Variants in KCTD3 observed in about 807,000 individuals in gnomAD.
KCTD3 encodes the protein BTB/POZ domain-containing protein KCTD3.
A neutral mutation model predicts 85.8 loss-of-function variants in KCTD3; 41 were observed. The observed-to-expected ratio is 0.48, with a 90% CI of 0.37 to 0.62. KCTD3 has a LOEUF of 0.62. KCTD3 is among the 20% of genes least tolerant of loss of function. The pLI, the probability that KCTD3 is intolerant of heterozygous loss-of-function variation, is 0.00. For synonymous variants in KCTD3, 338 were observed against 345.4 expected (o/e 0.98, Z 0.24); for missense variants, 724 against 989.9 (o/e 0.73, Z 3.60).
At position 215,611,999 on chromosome 1, in the gene KCTD3, T is replaced by C. The variant is rs556498943; in HGVS notation, c.1562+78T>C. The C allele has an allele frequency of 1.0e-3, 977 of 956,514 alleles. 9 individuals carry two copies. The highest frequency in any genetic ancestry group is 7.4e-3 in the South Asian group (520 of 70,618). 59.3% of individuals were successfully genotyped at this position (956,514 alleles called of 1,614,324 possible). Reference sequence around the variant, plus strand: ...AAAACATATGGCATAATTTGACATATTGACCAAAGAGTGCTACTAGAAACA... The same window carrying C: ...AAAACATATGGCATAATTTGACATACTGACCAAAGAGTGCTACTAGAAACA... On this transcript the variant is annotated intron_variant, in intron 15 of 17. Transcript: ENST00000259154.
rs1004601771 is a variant in KCTD3, at chr1:215,567,754, C to A, written c.69C>A (p.Asn23Lys). Residue 23 changes from asparagine to lysine, a missense_variant, in exon 1 of 18, where the codon AAC becomes AAA. Transcript: ENST00000259154. ...GCAGCGGCGAGATCGTCCAACTGAA[C>A]GTAGGGGGGACCAGGTGAGTCGGCG... The part of the protein sequence containing the change: ...AAGSGEIVQL[N>K]VGGTRFSTSR... The A allele has an allele frequency of 1.6e-6, 2 of 1,244,734 alleles. No homozygotes were observed. Among genetic ancestry groups the A allele is most frequent in the African/African-American group, 3.1e-5 (2 of 64,490 alleles). The allele number at this position is 1,244,734 out of a possible 1,614,324, so 77.1% of individuals were successfully genotyped here.
chr1:215,584,024 ATTG>A (rs1405972866), intron 8 of KCTD3, among the ~76,000 whole-genome samples: 1 of 152,134 alleles, frequency 6.6e-6, no homozygotes, highest in South Asian at 2.1e-4. Context: ...GAACTGGGAA[ATTG>A]TTGTAACCAA....
Position 215,579,999 on chromosome 1 carries a change from G to T in KCTD3, c.626G>T (p.Arg209Ile), listed in dbSNP as rs938436066. The change falls in exon 8 of 18, where the codon AGA (arginine) becomes ATA (isoleucine). Residue 209 changes from arginine to isoleucine, a missense_variant and splice_region_variant. Around this residue, in one of 6 missense-constraint regions of KCTD3, gnomAD observed 146 missense variants for 320.3 expected, o/e 0.46. Transcript: ENST00000259154. ...AAYAHFAVCY[R>I]IKESSGWQQV... ...TATGCCCATTTTGCTGTGTGTTACA[G>T]GTAGTGTATAATTAATAATGCTTTG... The T allele has an allele frequency of 3.2e-6, 5 of 1,586,968 alleles. No homozygotes were observed. In the African/African-American group the frequency reaches 5.4e-5, roughly 17 times the overall value.
rs1366428000 is a variant in KCTD3, at chr1:215,568,344, T to A, written c.83+576T>A. 3.3e-5 allele frequency among the ~76,000 whole-genome samples: 5 copies of A among 152,314 alleles called. No homozygotes were observed. The East Asian group carries it at 7.7e-4, about 24-fold the overall frequency. On this transcript the variant is annotated intron_variant, in intron 1 of 17. Transcript: ENST00000259154. ...TCTTGGTGCATGGGCTTGAAGGATCTGTTCAACTTCTAGGACAGTGTGTCC... is the reference window on the plus strand; with the variant it reads ...TCTTGGTGCATGGGCTTGAAGGATCAGTTCAACTTCTAGGACAGTGTGTCC...
At chr1:215,573,278 T>TTTTACCTTCA (rs1219100693) in intron 1 of KCTD3, among the ~76,000 whole-genome samples, 88 of 152,212 alleles carry the variant, frequency 5.8e-4, no homozygotes, top group African/African-American at 2.0e-3. Flanking sequence ...AAAACCTGAG[T>TTTTACCTTCA]GGTATCAAGA....
intron 9 of KCTD3, among the ~76,000 whole-genome samples, chr1:215,594,026 A>G (rs1660319190): frequency 6.6e-6 from 1 of 151,772 alleles, no homozygotes; most frequent in African/African-American, 2.4e-5. Flanking sequence ...TACCCAGCTA[A>G]TTTTTGTATT....
Position 215,567,654 on chromosome 1 carries a change from G to A in KCTD3, c.-32G>A. The stretch of plus-strand genomic sequence containing the variant: ...GGCTCGGCGGTCCCGGCTGGGGAAG[G>A]AGGGCGGCGAGCGCGTCCGGAGCCG... On this transcript the variant is annotated 5_prime_UTR_variant, in exon 1 of 18. Coordinates refer to ENST00000259154, the MANE Select transcript of KCTD3 (RefSeq NM_016121.5). 8.2e-7 allele frequency: 1 copy of A among 1,217,050 alleles called. No individual in the cohort carries two copies. The highest frequency in any genetic ancestry group is 4.2e-5 in the Admixed American group (1 of 23,556). 75.4% of individuals were successfully genotyped at this position (1,217,050 alleles called of 1,614,324 possible). A position where few individuals can be genotyped will look rare whatever the true frequency, so the allele number is the denominator to read the frequency against.
intron 10 of KCTD3, among the ~76,000 whole-genome samples, chr1:215,600,659 A>G (rs1251183354): frequency 1.3e-5 from 2 of 152,250 alleles, no homozygotes; most frequent in Non-Finnish European, 2.9e-5. Context: ...GTACATAAAA[A>G]GTACTTAAAT....
In KCTD3 at chr1:215,567,585, C is replaced by G. The variant is rs1394771549; in HGVS notation, c.-101C>G. On this transcript the variant is annotated 5_prime_UTR_variant, in exon 1 of 18. Coordinates refer to ENST00000259154, the MANE Select transcript of KCTD3 (RefSeq NM_016121.5). ...CCCCGCCCTCCGGCCGCCGCCGCCCCGCTGGCCCTGCAGCCGTCGCCGCTG... is the reference window on the plus strand; with the variant it reads ...CCCCGCCCTCCGGCCGCCGCCGCCCGGCTGGCCCTGCAGCCGTCGCCGCTG... 1 of 659,044 alleles carries G rather than the reference C, an allele frequency of 1.5e-6. No individual in the cohort carries two copies. Among genetic ancestry groups the G allele is most frequent in the South Asian group, 7.8e-5 (1 of 12,894 alleles). The allele number at this position is 659,044 out of a possible 1,614,324, so 40.8% of individuals were successfully genotyped here. A position where few individuals can be genotyped will look rare whatever the true frequency, so the allele number is the denominator to read the frequency against.
chr1:215,600,457 C>T (rs1456845973), intron 10 of KCTD3, among the ~76,000 whole-genome samples: 1 of 152,168 alleles, frequency 6.6e-6, no homozygotes, highest in East Asian at 1.9e-4. Flanking sequence ...GATCTTTGCT[C>T]TTCACCCACC....
chr1:215,594,024 TA>T (rs1473330608), intron 9 of KCTD3, among the ~76,000 whole-genome samples: 1 of 152,034 alleles, frequency 6.6e-6, no homozygotes, highest in Non-Finnish European at 1.5e-5. Flanking sequence ...CATACCCAGC[TA>T]ATTTTTGTAT....
intron 15 of KCTD3, among the ~76,000 whole-genome samples, chr1:215,614,038 T>TG (rs1558245517): frequency 7.2e-6 from 1 of 139,540 alleles, no homozygotes; most frequent in African/African-American, 2.7e-5. Context: ...TTTTTTTTTT[T>TG]TTTTTTTTTT....
chr1:215,598,689 AAG>A (rs1654707342), intron 10 of KCTD3, among the ~76,000 whole-genome samples: 1 of 133,478 alleles, frequency 7.5e-6, no homozygotes, highest in Non-Finnish European at 1.5e-5. Context: ...TGAAAATTAA[AAG>A]GTCATTGAAA....
chr1:215,594,347 G>A (rs553030240), intron 9 of KCTD3, among the ~76,000 whole-genome samples: 11 of 152,246 alleles, frequency 7.2e-5, no homozygotes, highest in East Asian at 3.9e-4. Flanking sequence ...CCAATATGCC[G>A]CACCAAGGTG....
At chr1:215,602,490 T>A (rs12743895) in intron 12 of KCTD3, among the ~76,000 whole-genome samples, 7,896 of 151,538 alleles carry the variant, frequency 0.052, 290 homozygotes, top group Non-Finnish European at 0.074. Flanking sequence ...AAAAAAAAAA[T>A]TCTGCACATT....
chr1:215,590,024 A>G (rs1190926974), intron 9 of KCTD3, among the ~76,000 whole-genome samples: 6 of 152,188 alleles, frequency 3.9e-5, no homozygotes, highest in African/African-American at 4.8e-5. Flanking sequence ...CTGTTTTCCA[A>G]AAGTACCTTT....
chr1:215,567,452 A>C lies in KCTD3; in HGVS notation c.-234A>C. 1 of 241,606 alleles carries C rather than the reference A, an allele frequency of 4.1e-6. No homozygotes were observed. The allele number at this position is 241,606 out of a possible 1,614,324, so 15.0% of individuals were successfully genotyped here. A position where few individuals can be genotyped will look rare whatever the true frequency, so the allele number is the denominator to read the frequency against. On this transcript the variant is annotated 5_prime_UTR_variant, in exon 1 of 18. Coordinates refer to ENST00000259154, the MANE Select transcript of KCTD3 (RefSeq NM_016121.5). ...CGGCCCGGCGGCCTGGAGGCCGCGA[A>C]AGGTGGAGGCCGGGCCGCCCTTGTG...
chr1:215,607,483 T>C (rs1655075397), intron 13 of KCTD3, among the ~76,000 whole-genome samples: 1 of 152,012 alleles, frequency 6.6e-6, no homozygotes, highest in South Asian at 2.1e-4. Context: ...ACAGACTTTA[T>C]ATAAAAATAA....
At chr1:215,612,310 C>T (rs1396928071) in intron 15 of KCTD3, among the ~76,000 whole-genome samples, 2 of 152,102 alleles carry the variant, frequency 1.3e-5, no homozygotes, top group African/African-American at 4.8e-5. Flanking sequence ...TAAAACATTA[C>T]AGATTTCCTG....
Sources: allele counts gnomAD v4.1 joint callset (sites outside exome capture counted in the v4.1 genomes callset), GRCh38; gene constraint gnomAD v4.1.1; regional missense constraint gnomAD v4.1.1; transcripts MANE v1.5; gene names NCBI Gene and HGNC (gene_info 2026-07-23, HGNC 2026-07-21).